The following SYNE3 variants were observed in gnomAD, a reference collection of about 807,000 sequenced individuals.
SYNE3 encodes nesprin-3.
A neutral mutation model predicts 111.2 loss-of-function variants in SYNE3; 100 were observed. The ratio of observed to expected loss-of-function variants is 0.90; its 90% confidence interval spans 0.77 to 1.06. SYNE3 has a LOEUF of 1.06. Ranked by LOEUF, SYNE3 falls within the 50% of genes least tolerant of loss-of-function variation. SYNE3 has a pLI of 0.00. For missense variants in SYNE3, 1,160 were observed against 1,240.3 expected, an observed-to-expected ratio of 0.94 and a Z score of 0.97; for synonymous variants, 547 against 533.9, an observed-to-expected ratio of 1.02 and a Z score of -0.34.
Position 95,511,428 on chromosome 14 carries a change from C to T in SYNE3, c.-15+5168G>A, listed in dbSNP as rs117386195. On this transcript the variant is annotated intron_variant, in intron 1 of 17. Transcript: ENST00000682763. Reference sequence around the variant, plus strand: ...AAATAAAATGATCCTGGGCCAGGCGCGGTGACTCACGCCTGTAATCCCAGC... The same window carrying T: ...AAATAAAATGATCCTGGGCCAGGCGTGGTGACTCACGCCTGTAATCCCAGC... 2.7e-3 allele frequency among the ~76,000 whole-genome samples: 416 copies of T among 152,248 alleles called. 10 individuals carry two copies. The East Asian group carries it at 0.069, about 25-fold the overall frequency.
At chr14:95,438,539 T>G in intron 14 of SYNE3, 2 of 162,120 alleles carry the variant, frequency 1.2e-5, no homozygotes, top group Admixed American at 5.7e-5. Flanking sequence ...AATGGAGGAG[T>G]GGATGAAAGA....
At position 95,411,006 on chromosome 14, in the gene SYNE3, C is replaced by G. The variant is rs1595162091; in HGVS notation, c.*6820G>C. On this transcript the variant is annotated 3_prime_UTR_variant, in exon 18 of 18. Transcript: ENST00000682763. ...TCCAGTGGGTGCAGAGACCGACCCCCACTCCTGGAACTAACTCCCTGAGCT... is the reference window on the plus strand; with the variant it reads ...TCCAGTGGGTGCAGAGACCGACCCCGACTCCTGGAACTAACTCCCTGAGCT... 2 of 152,264 alleles carry G rather than the reference C, an allele frequency of 1.3e-5. No individual in the cohort carries two copies. The highest frequency in any genetic ancestry group is 2.1e-4 in the South Asian group (1 of 4,826). The allele number at this position is 152,264 out of a possible 1,614,324, so 9.4% of individuals were successfully genotyped here.
At chr14:95,473,778 A>G (rs76099621) in intron 2 of SYNE3, among the ~76,000 whole-genome samples, 1,261 of 39,452 alleles carry the variant, frequency 0.032, 7 homozygotes, top group African/African-American at 0.073. Flanking sequence ...AGCTCAGGCC[A>G]GTGTGAGCTT....
intron 1 of SYNE3, among the ~76,000 whole-genome samples, chr14:95,486,895 A>G (rs1257793994): frequency 2.6e-5 from 4 of 152,206 alleles, no homozygotes; most frequent in Non-Finnish European, 4.4e-5. Context: ...CCTGAAGGAT[A>G]AAGTCAGTGT....
At chr14:95,418,133 CTG>C in intron 17 of SYNE3, 107 bp from the exon 18 acceptor site, 1 of 1,145,690 alleles carries the variant, frequency 8.7e-7, no homozygotes, top group Non-Finnish European at 1.3e-6. Flanking sequence ...ACTGAACTGA[CTG>C]TATGACAGTA....
At chr14:95,442,017 G>T (rs1886441087) in intron 11 of SYNE3, among the ~76,000 whole-genome samples, 1 of 152,240 alleles carries the variant, frequency 6.6e-6, no homozygotes, top group African/African-American at 2.4e-5. Flanking sequence ...TGCTTGGCAT[G>T]ACCTGAGCTC....
chr14:95,475,051 G>A (rs535319655), intron 2 of SYNE3, among the ~76,000 whole-genome samples: 12 of 152,246 alleles, frequency 7.9e-5, no homozygotes, highest in African/African-American at 2.7e-4. Context: ...TCCGGCCTCC[G>A]ACTCTTAGCT....
At chr14:95,504,644 C>T (rs1272989569) in intron 1 of SYNE3, among the ~76,000 whole-genome samples, 2 of 152,148 alleles carry the variant, frequency 1.3e-5, no homozygotes, top group African/African-American at 2.4e-5. Flanking sequence ...GACTGGGTCC[C>T]ACCTTCCCAG....
chr14:95,496,660 C>G (rs1325480817), intron 1 of SYNE3, among the ~76,000 whole-genome samples: 1 of 152,220 alleles, frequency 6.6e-6, no homozygotes. Context: ...ATATGTTTGC[C>G]ACAAGCAATC....
At chr14:95,453,281 G>A (rs897204032) in intron 6 of SYNE3, among the ~76,000 whole-genome samples, 7 of 152,184 alleles carry the variant, frequency 4.6e-5, no homozygotes, top group Admixed American at 2.6e-4. Flanking sequence ...TCAATCCCAG[G>A]AGGCAGCCTT....
At position 95,433,357 on chromosome 14, in the gene SYNE3, C is replaced by T. The variant is rs17092216; in HGVS notation, c.2591G>A (p.Arg864His). ...CGAGGTCCCCCTTGCTGGCCCGAGA[C>T]GAAGGAGGTTCTCAAAGAGATGCTG... is the stretch of plus-strand genomic sequence containing the variant. ...EGQHLFENLL[R>H]LGPARGTSDE... Residue 864 changes from arginine to histidine, a missense_variant, in exon 16 of 18, where the codon CGT (arginine) becomes CAT (histidine). Coordinates refer to ENST00000682763, the MANE Select transcript of SYNE3 (RefSeq NM_152592.6). The T allele has an allele frequency of 2.9e-3, 4,627 of 1,614,108 alleles. 97 individuals carry two copies. In the African/African-American group the frequency reaches 0.045, roughly 16 times the overall value.
intron 17 of SYNE3, among the ~76,000 whole-genome samples, chr14:95,421,589 C>T (rs753589005): frequency 2.0e-5 from 3 of 152,260 alleles, no homozygotes; most frequent in East Asian, 1.9e-4. Context: ...ATAAATGAGG[C>T]CACGCATGCT....
intron 4 of SYNE3, among the ~76,000 whole-genome samples, chr14:95,464,053 G>A (rs762488471): frequency 2.0e-5 from 3 of 152,196 alleles, no homozygotes; most frequent in Non-Finnish European, 4.4e-5. Flanking sequence ...CTTCCCAAGC[G>A]CCAGAGCCTT....
chr14:95,427,624 A>G (rs1885511755), intron 17 of SYNE3, among the ~76,000 whole-genome samples: 2 of 152,212 alleles, frequency 1.3e-5, no homozygotes, highest in South Asian at 4.2e-4. Flanking sequence ...GGCAGGGAAG[A>G]GCCCCCTGTC....
chr14:95,451,625 CCTTTGTTCATTCTGAAGGAG>C, intron 7 of SYNE3: 1 of 152,350 alleles, frequency 6.6e-6, no homozygotes, highest in African/African-American at 2.4e-5. Flanking sequence ...GTAGGAGCTC[CCTTTGTTCATTCTGAAGGAG>C]CTCCCTGTAC....
chr14:95,458,681 C>T (rs746964222), intron 4 of SYNE3, among the ~76,000 whole-genome samples: 1 of 152,196 alleles, frequency 6.6e-6, no homozygotes, highest in Non-Finnish European at 1.5e-5. Context: ...TCCATGGCAT[C>T]GTCACCCACT....
Position 95,467,931 on chromosome 14 carries a change from C to A in SYNE3, c.181G>T (p.Val61Leu), listed in dbSNP as rs140918242. The change falls in exon 3 of 18, where the codon GTG becomes TTG. Residue 61 changes from valine to leucine, a missense_variant. Val to Leu is a conservative substitution (Grantham distance 32). Coordinates refer to ENST00000682763, the MANE Select transcript of SYNE3 (RefSeq NM_152592.6). ...TCAGCCATCCGTAGCACGAGGTCCA[C>A]CCTCACACGCCCCTCGGGCTCCAGC... ...CQLEPEGRVR[V>L]DLVLRMAEAL... 6.2e-7 allele frequency: 1 copy of A among 1,613,612 alleles called. No homozygotes were observed. The highest frequency in any genetic ancestry group is 8.5e-7 in the Non-Finnish European group (1 of 1,179,596).
chr14:95,469,615 G>A (rs1888402132), intron 2 of SYNE3, among the ~76,000 whole-genome samples: 1 of 151,880 alleles, frequency 6.6e-6, no homozygotes, highest in African/African-American at 2.4e-5. Flanking sequence ...GGAGGCTGAT[G>A]TGGGAGGATC....
Position 95,415,358 on chromosome 14 carries a change from C to G in SYNE3, c.*2468G>C, listed in dbSNP as rs1903548843. On this transcript the variant is annotated 3_prime_UTR_variant, in exon 18 of 18. Coordinates refer to ENST00000682763, the MANE Select transcript of SYNE3 (RefSeq NM_152592.6). ...TTGGCTGCCTGGGCTCACTCAGCTC[C>G]TGATTTTCCAGTAAGGTGGTCGCCT... 1 of 149,514 alleles carries G rather than the reference C, an allele frequency of 6.7e-6. No homozygotes were observed. The highest frequency in any genetic ancestry group is 6.7e-5 in the Admixed American group (1 of 14,988). 9.3% of individuals were successfully genotyped at this position (149,514 alleles called of 1,614,324 possible).
Sources: allele counts gnomAD v4.1 joint callset (sites outside exome capture counted in the v4.1 genomes callset), GRCh38; gene constraint gnomAD v4.1.1; transcripts MANE v1.5; gene names NCBI Gene and HGNC (gene_info 2026-07-23, HGNC 2026-07-21).